Variants in NOL10 observed in about 807,000 individuals in gnomAD.
NOL10 encodes the protein nucleolar protein 10.
NOL10 carries 58 observed loss-of-function variants against 103.5 expected under a neutral mutation model. The observed-to-expected ratio is 0.56, with a 90% CI of 0.45 to 0.70. NOL10 has a LOEUF of 0.70. NOL10 is among the 30% of genes least tolerant of loss of function. NOL10 has a pLI of 0.00. For synonymous variants in NOL10, 287 were observed against 282.5 expected (o/e 1.02, Z -0.16); for missense variants, 763 against 807.3 (o/e 0.95, Z 0.67).
intron 17 of NOL10, among the ~76,000 whole-genome samples, chr2:10,597,039 G>A (rs2148177742): frequency 6.6e-6 from 1 of 152,104 alleles, no homozygotes; most frequent in Middle Eastern, 3.4e-3. Context: ...GTGTGATCAT[G>A]GCTCACTGCA....
intron 17 of NOL10, among the ~76,000 whole-genome samples, chr2:10,594,585 G>C (rs1013120195): frequency 2.0e-5 from 3 of 152,178 alleles, no homozygotes; most frequent in African/African-American, 4.8e-5. Context: ...ATTGGGTGTT[G>C]ATTAGTGATA....
chr2:10,673,360 G>T, intron 5 of NOL10, 160 bp downstream of exon 5: 1 of 446,374 alleles, frequency 2.2e-6, no homozygotes, highest in Non-Finnish European at 4.0e-6. Flanking sequence ...AAAAAATGAT[G>T]GGTTACATTT....
At chr2:10,679,985 A>C (rs1336337938) in intron 3 of NOL10, among the ~76,000 whole-genome samples, 1 of 151,990 alleles carries the variant, frequency 6.6e-6, no homozygotes, top group African/African-American at 2.4e-5. Context: ...TAAGAAGGAA[A>C]GCCATTAGGC....
At chr2:10,660,255 G>T (rs1286510218) in intron 9 of NOL10, among the ~76,000 whole-genome samples, 1 of 152,132 alleles carries the variant, frequency 6.6e-6, no homozygotes, top group Non-Finnish European at 1.5e-5. Flanking sequence ...ACTCTTCAAA[G>T]TATACTTAAT....
intron 19 of NOL10, among the ~76,000 whole-genome samples, chr2:10,578,350 A>C (rs777125963): frequency 6.6e-6 from 1 of 152,190 alleles, no homozygotes; most frequent in South Asian, 2.1e-4. Flanking sequence ...AACAAAAGCA[A>C]TTACACTTTG....
chr2:10,663,906 G>A (rs983888101), intron 8 of NOL10, among the ~76,000 whole-genome samples: 6 of 149,720 alleles, frequency 4.0e-5, no homozygotes, highest in Admixed American at 4.0e-4. Flanking sequence ...AGCCGAGATC[G>A]CACCACTGCA....
chr2:10,617,546 T>C (rs1016506255), intron 13 of NOL10, among the ~76,000 whole-genome samples: 4 of 152,134 alleles, frequency 2.6e-5, no homozygotes, highest in African/African-American at 9.7e-5. Flanking sequence ...TCCTAAATTA[T>C]GTTACTTAAA....
chr2:10,579,621 T>C (rs1426230812), intron 19 of NOL10, among the ~76,000 whole-genome samples: 1 of 151,806 alleles, frequency 6.6e-6, no homozygotes, highest in Non-Finnish European at 1.5e-5. Flanking sequence ...GGCATGCATG[T>C]GAATTATGTG....
intron 13 of NOL10, among the ~76,000 whole-genome samples, chr2:10,632,684 A>G (rs1677926030): frequency 6.6e-6 from 1 of 152,204 alleles, no homozygotes; most frequent in South Asian, 2.1e-4. Flanking sequence ...CCAATTCAAT[A>G]TAACTTTATT....
intron 7 of NOL10, 75 bp downstream of exon 7, chr2:10,668,583 A>T: frequency 1.5e-6 from 1 of 688,200 alleles, no homozygotes; most frequent in Non-Finnish European, 2.5e-6. Context: ...AGTTTATGTT[A>T]CTTGTTAACA....
At position 10,607,204 on chromosome 2, in the gene NOL10, C is replaced by T; in HGVS notation, c.1134G>A (p.Lys378=). ...TTTTACCTAAATTTTCAAGGTCTTT[C>T]TTGGTGACAAATTTATAATCATCAT... is the stretch of plus-strand genomic sequence containing the variant. ...TVYDDYKFVT[K]KDLENLGLTH... is the part of the protein sequence containing the mutation. The change falls in exon 14 of 21, where the codon AAG becomes AAA. Residue 378 remains lysine (K), a synonymous_variant. Coordinates refer to ENST00000381685, the MANE Select transcript of NOL10 (RefSeq NM_024894.4). The T allele has an allele frequency of 6.4e-7, 1 of 1,571,538 alleles. No homozygotes were observed. The highest frequency in any genetic ancestry group is 8.6e-7 in the Non-Finnish European group (1 of 1,157,732).
rs889420462 is a variant in NOL10, at chr2:10,575,013, T to C, written c.1947+2623A>G. Among the ~76,000 whole-genome samples, 5 of 152,312 alleles carry C rather than the reference T, an allele frequency of 3.3e-5. No individual in the cohort carries two copies. The East Asian group carries it at 5.8e-4, about 18-fold the overall frequency. ...GAAGGCCTTGCCGCCATGTGGCGGA[T>C]TCAGGAGGATAGGATCTATGGGCCA... On this transcript the variant is annotated intron_variant, in intron 20 of 20. Transcript: ENST00000381685.
intron 13 of NOL10, among the ~76,000 whole-genome samples, chr2:10,621,800 G>A (rs977957854): frequency 2.6e-5 from 4 of 152,140 alleles, no homozygotes; most frequent in African/African-American, 9.7e-5. Context: ...TTCTTTGAGA[G>A]GCTTACAGAA....
chr2:10,625,947 G>C (rs1302570003), intron 13 of NOL10, among the ~76,000 whole-genome samples: 4 of 152,122 alleles, frequency 2.6e-5, no homozygotes, highest in African/African-American at 9.7e-5. Context: ...GCCAAGATGG[G>C]AGGATCCCTT....
chr2:10,607,461 C>A, intron 13 of NOL10, 150 bp from the exon 14 acceptor site: 1 of 831,218 alleles, frequency 1.2e-6, no homozygotes, highest in Admixed American at 3.3e-5. Context: ...GTATAATGAA[C>A]AAGTATATAA....
rs1166783304 is a variant in NOL10 at position 10,587,088 on chromosome 2, C to CAT, written c.1844+1953_1844+1954dup. Among the ~76,000 whole-genome samples the CAT allele has an allele frequency of 1.9e-4, 6 of 32,432 alleles. 2 individuals carry two copies. The highest frequency in any genetic ancestry group is 3.3e-4 in the African/African-American group (3 of 9,008). The allele number at this position is 32,432 out of a possible 152,430, so 21.3% of individuals were successfully genotyped here. On this transcript the variant is annotated intron_variant, in intron 19 of 20. Transcript: ENST00000381685. Reference sequence around the variant, plus strand: ...ATATACATATATATACATATATATACATATATATACACATATATATACATA... The same window carrying CAT: ...ATATACATATATATACATATATATACATATATATATACACATATATATACATA...
intron 11 of NOL10, 27 bp from the exon 12 acceptor site, chr2:10,654,574 A>C (rs746437861): frequency 1.3e-6 from 2 of 1,510,100 alleles, no homozygotes; most frequent in Non-Finnish European, 1.8e-6. Flanking sequence ...AAAACGAAGT[A>C]TTAAAAGTTA....
intron 13 of NOL10, among the ~76,000 whole-genome samples, chr2:10,638,444 AAAAC>A (rs1307888978): frequency 2.0e-5 from 3 of 150,754 alleles, no homozygotes; most frequent in Admixed American, 6.6e-5. Flanking sequence ...AAAAAAGAAA[AAAAC>A]AAAAACAAAG....
chr2:10,596,707 C>A (rs1342025731), intron 17 of NOL10, among the ~76,000 whole-genome samples: 1 of 152,086 alleles, frequency 6.6e-6, no homozygotes, highest in East Asian at 1.9e-4. Context: ...GGGTTGGAGA[C>A]CCCTGGCCTA....
Sources: allele counts gnomAD v4.1 joint callset (sites outside exome capture counted in the v4.1 genomes callset), GRCh38; gene constraint gnomAD v4.1.1; transcripts MANE v1.5; gene names NCBI Gene and HGNC (gene_info 2026-07-23, HGNC 2026-07-21).